The following TPX2 variants were observed in gnomAD, a reference collection of about 807,000 sequenced individuals.
TPX2 encodes TPX2 microtubule nucleation factor.
A neutral mutation model predicts 93.6 loss-of-function variants in TPX2; 21 were observed. That is an observed-to-expected ratio of 0.22 (90% CI 0.16 to 0.32). The LOEUF is 0.32. Among genes scored for constraint, TPX2 ranks in the 10% least tolerant of loss-of-function variants. The pLI is 1.00. For missense variants in TPX2, 776 were observed against 871.1 expected, an observed-to-expected ratio of 0.89 and a Z score of 1.37; for synonymous variants, 281 against 298.3, an observed-to-expected ratio of 0.94 and a Z score of 0.60.
rs1799470607 is a variant in TPX2 at position 31,801,275 on chromosome 20, C to CTAA, written c.*200_*202dup. ...GAATTGTTTTCTTACATTACTAAGG[C>CTAA]TAATAATGAGATGTAACTCATGAAT... is the stretch of plus-strand genomic sequence containing the variant. On this transcript the variant is annotated 3_prime_UTR_variant, in exon 18 of 18. Transcript: ENST00000300403. 5.5e-6 allele frequency: 3 copies of CTAA among 547,548 alleles called. No individual in the cohort carries two copies. The highest frequency in any genetic ancestry group is 6.3e-5 in the Admixed American group (2 of 31,994). 33.9% of individuals were successfully genotyped at this position (547,548 alleles called of 1,614,324 possible).
At chr20:31,786,045 A>G (rs1030975485) in intron 12 of TPX2, among the ~76,000 whole-genome samples, 1 of 152,262 alleles carries the variant, frequency 6.6e-6, no homozygotes, top group African/African-American at 2.4e-5. Context: ...TAATACTTAT[A>G]TAATGCTTAT....
At chr20:31,754,238 C>T (rs1017459436) in intron 2 of TPX2, among the ~76,000 whole-genome samples, 1 of 151,816 alleles carries the variant, frequency 6.6e-6, no homozygotes, top group Non-Finnish European at 1.5e-5. Flanking sequence ...CAGCCACCAC[C>T]CCAGGCTAAT....
chr20:31,766,420 T>A lies in TPX2; in HGVS notation c.230-136T>A, dbSNP rs1297457739. ...TATAAACTGGTCTTCTGTATAAGAT[T>A]TAACTGGAACTAAGGTTTCTGTGGC... On this transcript the variant is annotated intron_variant, in intron 4 of 17. Transcript: ENST00000300403. 29 of 965,646 alleles carry A rather than the reference T, an allele frequency of 3.0e-5. No homozygotes were observed. The East Asian group carries it at 7.1e-4, about 23-fold the overall frequency. 59.8% of individuals were successfully genotyped at this position (965,646 alleles called of 1,614,324 possible).
intron 13 of TPX2, 55 bp downstream of exon 13, chr20:31,792,885 A>C (rs1480406628): frequency 2.7e-6 from 4 of 1,490,492 alleles, no homozygotes; most frequent in Non-Finnish European, 3.7e-6. Flanking sequence ...CAGTCAATCT[A>C]AGCCTTATCA....
intron 4 of TPX2, 52 bp from the exon 5 acceptor site, chr20:31,766,504 C>T (rs1379865506): frequency 1.4e-6 from 2 of 1,454,810 alleles, no homozygotes; most frequent in Non-Finnish European, 1.9e-6. Context: ...TGTCTCATCT[C>T]CAATTATTTT....
intron 12 of TPX2, among the ~76,000 whole-genome samples, chr20:31,787,503 C>T (rs2062074345): frequency 6.6e-6 from 1 of 151,912 alleles, no homozygotes; most frequent in Non-Finnish European, 1.5e-5. Context: ...TGAGACAGGT[C>T]TCAATCAATT....
intron 7 of TPX2, 121 bp downstream of exon 7, chr20:31,771,803 G>A (rs1417719306): frequency 4.2e-6 from 5 of 1,181,550 alleles, no homozygotes; most frequent in Non-Finnish European, 5.9e-6. Flanking sequence ...CCATGGTGAG[G>A]TGAATTGTTA....
At position 31,798,258 on chromosome 20, in the gene TPX2, C is replaced by T. The variant is rs946510256; in HGVS notation, c.1946-107C>T. 3.6e-6 allele frequency: 5 copies of T among 1,384,020 alleles called. No homozygotes were observed. In the African/African-American group the frequency reaches 7.1e-5, roughly 20 times the overall value. 85.7% of individuals were successfully genotyped at this position (1,384,020 alleles called of 1,614,324 possible). On this transcript the variant is annotated intron_variant, in intron 16 of 17. Coordinates refer to ENST00000300403, the MANE Select transcript of TPX2 (RefSeq NM_012112.5). ...CTCCCAATGGGGCTTGTTTAGAGCACAGTCTTCCTGTTAGTGTGCATGTCT... is the reference window on the plus strand; with the variant it reads ...CTCCCAATGGGGCTTGTTTAGAGCATAGTCTTCCTGTTAGTGTGCATGTCT...
At chr20:31,743,733 T>G (rs1347870410) in intron 2 of TPX2, among the ~76,000 whole-genome samples, 2 of 151,184 alleles carry the variant, frequency 1.3e-5, no homozygotes, top group African/African-American at 4.9e-5. Flanking sequence ...GCAGTTTTTT[T>G]TTTTTTTTTT....
At chr20:31,797,300 T>C (rs1003396542) in intron 15 of TPX2, 104 bp from the exon 16 acceptor site, 7 of 979,144 alleles carry the variant, frequency 7.1e-6, no homozygotes, top group Non-Finnish European at 1.1e-5. Context: ...TTAAATCTGC[T>C]ATTTTTATTG....
rs397866298 is a variant in TPX2, at chr20:31,772,019, C to CTTTT, written c.608+353_608+356dup. ...GGCATGCACTATCATGCCTGGCTAA[C>CTTTT]TTTTTTTTTTTTTTTTTTTGAGACA... is the stretch of plus-strand genomic sequence containing the variant. On this transcript the variant is annotated intron_variant, in intron 7 of 17. Coordinates refer to ENST00000300403, the MANE Select transcript of TPX2 (RefSeq NM_012112.5). Among the ~76,000 whole-genome samples the CTTTT allele has an allele frequency of 1.9e-3, 241 of 125,256 alleles. 4 individuals are homozygous for CTTTT. Among genetic ancestry groups the CTTTT allele is most frequent in the African/African-American group, 6.7e-3 (209 of 31,392 alleles). The allele number at this position is 125,256 out of a possible 152,430, so 82.2% of individuals were successfully genotyped here.
chr20:31,800,891 C>G (rs547035274), intron 17 of TPX2, 79 bp from the exon 18 acceptor site: 2 of 1,253,614 alleles, frequency 1.6e-6, no homozygotes, highest in African/African-American at 3.0e-5. Context: ...AACATTTTCT[C>G]AAAAAGAAAA....
Position 31,770,400 on chromosome 20 carries a change from A to T in TPX2, c.414A>T (p.Val138=). ...TGGAACAGAAAGAAAAGCATCATGT[A>T]AAAATGAAAGCCAAGAGATGTGCCA... is the stretch of plus-strand genomic sequence containing the variant. ...KDLEQKEKHH[V]KMKAKRCATP... The change falls in exon 6 of 18, where the codon GTA becomes GTT. Residue 138 remains valine, a synonymous_variant. Transcript: ENST00000300403. The T allele has an allele frequency of 6.2e-7, 1 of 1,606,656 alleles. No individual in the cohort carries two copies. Among genetic ancestry groups the T allele is most frequent in the Non-Finnish European group, 8.5e-7 (1 of 1,176,002 alleles).
intron 12 of TPX2, among the ~76,000 whole-genome samples, chr20:31,784,935 G>C (rs1277113801): frequency 6.6e-6 from 1 of 152,208 alleles, no homozygotes; most frequent in Non-Finnish European, 1.5e-5. Flanking sequence ...GATAACTCTA[G>C]AAGCACTCTG....
intron 10 of TPX2, among the ~76,000 whole-genome samples, chr20:31,781,561 G>T (rs374680775): frequency 4.3e-4 from 65 of 151,662 alleles, no homozygotes; most frequent in African/African-American, 1.5e-3. Context: ...CACTGTGACC[G>T]GCCAGGAAGG....
intron 3 of TPX2, among the ~76,000 whole-genome samples, chr20:31,759,395 CGTTTTTTTTTTT>C (rs2061873138): frequency 7.9e-6 from 1 of 126,608 alleles, no homozygotes; most frequent in Non-Finnish European, 1.6e-5. Flanking sequence ...AGTTTTCTTT[CGTTTTTTTTTTT>C]TTTTTTTTTT....
intron 9 of TPX2, among the ~76,000 whole-genome samples, 153 bp from the exon 10 acceptor site, chr20:31,778,660 A>G (rs2062016591): frequency 6.6e-6 from 1 of 152,180 alleles, no homozygotes; most frequent in Admixed American, 6.6e-5. Context: ...CAGATTAGTT[A>G]TAACCCTTGC....
At chr20:31,763,573 G>A (rs747144043) in intron 4 of TPX2, among the ~76,000 whole-genome samples, 9 of 151,992 alleles carry the variant, frequency 5.9e-5, no homozygotes, top group Non-Finnish European at 7.4e-5. Context: ...ATCTCAGACT[G>A]TAATTATGGA....
intron 15 of TPX2, 47 bp from the exon 16 acceptor site, chr20:31,797,357 A>T: frequency 1.3e-6 from 2 of 1,565,698 alleles, no homozygotes; most frequent in Non-Finnish European, 1.8e-6. Context: ...GGTAGTGGTC[A>T]TAGAAAGGTG....
Sources: gnomAD v4.1 joint callset for allele counts (sites outside exome capture counted in the v4.1 genomes callset) on GRCh38, gnomAD v4.1.1 for gene constraint, MANE v1.5 for transcripts, NCBI Gene and HGNC (gene_info 2026-07-23, HGNC 2026-07-21) for gene names.